UBN1: variants seen among roughly 807,000 people sequenced by gnomAD.
UBN1 encodes ubinuclein 1.
UBN1 carries 17 observed loss-of-function variants against 108.5 expected under a neutral mutation model. The observed-to-expected ratio is 0.16, with a 90% CI of 0.11 to 0.24. UBN1 has a LOEUF of 0.24. UBN1 is among the 10% of genes least tolerant of loss of function. The pLI is 1.00. For synonymous variants in UBN1, 726 were observed against 564.2 expected (o/e 1.29, Z -4.07); for missense variants, 1,595 against 1,394.4 (o/e 1.14, Z -2.29).
At chr16:4,848,758 A>G (rs1021729948) in intron 1 of UBN1, among the ~76,000 whole-genome samples, 4 of 152,228 alleles carry the variant, frequency 2.6e-5, no homozygotes, top group African/African-American at 9.6e-5. Context: ...CCTGTTTAAA[A>G]ATTCTGAATT....
chr16:4,875,103 C>G lies in UBN1; in HGVS notation c.2693C>G (p.Ser898Cys). 6.2e-7 allele frequency: 1 copy of G among 1,614,208 alleles called. No homozygotes were observed. The highest frequency in any genetic ancestry group is 2.2e-5 in the East Asian group (1 of 44,882). ...CATTCAGTCAGCTCTGCAGGCTCATCTTACAAGAATAATCCCTTTGCCAGC... is the reference window on the plus strand; with the variant it reads ...CATTCAGTCAGCTCTGCAGGCTCATGTTACAAGAATAATCCCTTTGCCAGC... ...KPHSVSSAGS[S>C]YKNNPFASSI... Residue 898 changes from serine to cysteine, a missense_variant, in exon 15 of 18, where the codon TCT becomes TGT. Physicochemically the swap from Ser to Cys is moderately radical, Grantham distance 112. Transcript: ENST00000262376.
Position 4,848,017 on chromosome 16 carries a change from C to T in UBN1, c.-233C>T, listed in dbSNP as rs1367896357. 4 of 152,780 alleles carry T rather than the reference C, an allele frequency of 2.6e-5. No homozygotes were observed. Among genetic ancestry groups the T allele is most frequent in the South Asian group, 2.1e-4 (1 of 4,844 alleles). 9.5% of individuals were successfully genotyped at this position (152,780 alleles called of 1,614,324 possible). On this transcript the variant is annotated 5_prime_UTR_variant, in exon 1 of 18. Coordinates refer to ENST00000262376, the MANE Select transcript of UBN1 (RefSeq NM_001079514.3). ...TCGAGTTGGCATTTCTTCGCTTCCT[C>T]CTGGGCCGGCGCGCGGCGCGGCACA... is the stretch of plus-strand genomic sequence containing the variant.
At chr16:4,878,463 G>A (rs191692790) in intron 17 of UBN1, among the ~76,000 whole-genome samples, 2 of 152,288 alleles carry the variant, frequency 1.3e-5, no homozygotes, top group South Asian at 2.1e-4. Context: ...CTGGCACCAT[G>A]GCGCATTATA....
At chr16:4,870,731 G>C (rs2087588934) in intron 10 of UBN1, 97 bp downstream of exon 10, 8 of 1,586,644 alleles carry the variant, frequency 5.0e-6, no homozygotes, top group South Asian at 1.1e-5. Flanking sequence ...GGAGCCTCTT[G>C]GCTCTTCTTT....
rs145831156 is a variant in UBN1, at chr16:4,880,100, G to C, written c.3373G>C (p.Gly1125Arg). The C allele has an allele frequency of 6.2e-7, 1 of 1,613,934 alleles. No homozygotes were observed. Among genetic ancestry groups the C allele is most frequent in the Admixed American group, 1.7e-5 (1 of 59,992 alleles). The change falls in exon 18 of 18, where the codon GGG (glycine) becomes CGG (arginine). Residue 1125 changes from glycine (G) to arginine (R), a missense_variant. By Grantham distance (125) the Gly-to-Arg change is moderately radical. Coordinates refer to ENST00000262376, the MANE Select transcript of UBN1 (RefSeq NM_001079514.3). ...QSLPGASQLHGKGPAVPRKL is the reference protein window; with the variant it reads ...QSLPGASQLHRKGPAVPRKL ...TTTTCCAGGTGCTTCTCAGCTTCAC[G>C]GGAAAGGGCCTGCTGTACCACGGAA...
chr16:4,870,691 C>A (rs1048261438), intron 10 of UBN1, 57 bp downstream of exon 10: 16 of 1,603,650 alleles, frequency 1.0e-5, no homozygotes, highest in Non-Finnish European at 1.4e-5. Flanking sequence ...CTTCCCCTCC[C>A]GTTTCTCGGT....
At chr16:4,878,875 G>T (rs1184909657) in intron 17 of UBN1, among the ~76,000 whole-genome samples, 2 of 152,156 alleles carry the variant, frequency 1.3e-5, no homozygotes, top group Non-Finnish European at 2.9e-5. Flanking sequence ...AGTCAGGTGT[G>T]GTGGCATGTG....
In UBN1 at chr16:4,847,543, C is replaced by CGGCGACGGT; in HGVS notation, c.-705_-697dup. ...CGCCCGCGGTCTGAGGCGGCGGCGG[C>CGGCGACGGT]GGCGACGGTGCGACCGGCTGAGCGC... is the stretch of plus-strand genomic sequence containing the variant. On this transcript the variant is annotated 5_prime_UTR_variant, in exon 1 of 18. Transcript: ENST00000262376. 1 of 452,614 alleles carries CGGCGACGGT rather than the reference C, an allele frequency of 2.2e-6. No homozygotes were observed. Among genetic ancestry groups the CGGCGACGGT allele is most frequent in the East Asian group, 4.3e-5 (1 of 23,260 alleles). 28.0% of individuals were successfully genotyped at this position (452,614 alleles called of 1,614,324 possible). A position where few individuals can be genotyped will look rare whatever the true frequency, so the allele number is the denominator to read the frequency against.
rs773100833 is a variant in UBN1 at position 4,874,890 on chromosome 16, T to G, written c.2480T>G (p.Leu827Arg). The G allele has an allele frequency of 6.2e-7, 1 of 1,614,032 alleles. No individual in the cohort carries two copies. The highest frequency in any genetic ancestry group is 8.5e-7 in the Non-Finnish European group (1 of 1,180,010). ...CCCCCATCTCCATTTGCCAATAAGCTCCAAGGCCCAAAGGCTTCTCCCACA... is the reference window on the plus strand; with the variant it reads ...CCCCCATCTCCATTTGCCAATAAGCGCCAAGGCCCAAAGGCTTCTCCCACA... ...FTPPSPFANK[L>R]QGPKASPTQC... Residue 827 changes from leucine (L) to arginine (R), a missense_variant, in exon 15 of 18, where the codon CTC (leucine) becomes CGC (arginine). Leu to Arg is a moderately radical substitution (Grantham distance 102). Around this residue, in one of 3 missense-constraint regions of UBN1, gnomAD observed 1,398 missense variants for 1,194.7 expected, o/e 1.17. Transcript: ENST00000262376.
rs769695899 is a variant in UBN1, at chr16:4,864,071, T to TTGC, written c.1110+2970_1110+2972dup. ...CTGTGATCCTGGTTTGTTGTTGTTGTTGCCTTTTTTTTTTTTTTTTTTTTT... is the reference window on the plus strand; with the variant it reads ...CTGTGATCCTGGTTTGTTGTTGTTGTTGCTGCCTTTTTTTTTTTTTTTTTTTTT... On this transcript the variant is annotated intron_variant, in intron 7 of 17. Transcript: ENST00000262376. Among the ~76,000 whole-genome samples, 71 of 143,892 alleles carry TTGC rather than the reference T, an allele frequency of 4.9e-4. 1 individual carries two copies. The highest frequency in any genetic ancestry group is 9.0e-4 in the Non-Finnish European group (60 of 66,832). 94.4% of individuals were successfully genotyped at this position (143,892 alleles called of 152,430 possible).
At chr16:4,851,984 G>C (rs1023370305) in intron 1 of UBN1, among the ~76,000 whole-genome samples, 9 of 152,146 alleles carry the variant, frequency 5.9e-5, no homozygotes, top group African/African-American at 2.2e-4. Flanking sequence ...GCGCTTACAA[G>C]TCAATAAGAA....
intron 6 of UBN1, 106 bp from the exon 7 acceptor site, chr16:4,860,558 C>A: frequency 8.5e-7 from 1 of 1,172,980 alleles, no homozygotes; most frequent in Non-Finnish European, 1.2e-6. Context: ...TGGACTGTGA[C>A]AGGTTCTCCT....
chr16:4,871,855 G>C (rs2087656995), intron 12 of UBN1, among the ~76,000 whole-genome samples: 1 of 152,020 alleles, frequency 6.6e-6, no homozygotes, highest in African/African-American at 2.4e-5. Flanking sequence ...CTAAGTGCTG[G>C]GATTACAGGC....
Position 4,857,998 on chromosome 16 carries a change from T to C in UBN1, c.258T>C (p.Asp86=). The C allele has an allele frequency of 6.2e-7, 1 of 1,610,958 alleles. No homozygotes were observed. The highest frequency in any genetic ancestry group is 8.5e-7 in the Non-Finnish European group (1 of 1,178,720). Residue 86 remains aspartate (D), a synonymous_variant, in exon 3 of 18, where the codon GAT becomes GAC. Coordinates refer to ENST00000262376, the MANE Select transcript of UBN1 (RefSeq NM_001079514.3). The part of the protein sequence containing the change: ...KGLQPGDKKK[D]LSDPFNDEEK... ...GAACGATCTCTTTACAGAAGAAAGA[T>C]CTGTCAGATCCTTTCAATGACGAAG...
At chr16:4,854,729 G>GTT (rs57048337) in intron 2 of UBN1, among the ~76,000 whole-genome samples, 17 of 140,304 alleles carry the variant, frequency 1.2e-4, no homozygotes, top group African/African-American at 4.2e-4. Flanking sequence ...GTGAAAAGCT[G>GTT]TTTTTTTTTT....
chr16:4,880,112 G>C lies in UBN1; in HGVS notation c.3385G>C (p.Ala1129Pro). 1 of 1,614,026 alleles carries C rather than the reference G, an allele frequency of 6.2e-7. No homozygotes were observed. Among genetic ancestry groups the C allele is most frequent in the Non-Finnish European group, 8.5e-7 (1 of 1,179,984 alleles). Residue 1129 changes from alanine to proline, a missense_variant, in exon 18 of 18, where the codon GCT (alanine) becomes CCT (proline). Ala to Pro is a conservative substitution (Grantham distance 27). Around this residue, in one of 3 missense-constraint regions of UBN1, gnomAD observed 1,398 missense variants for 1,194.7 expected, o/e 1.17. Coordinates refer to ENST00000262376, the MANE Select transcript of UBN1 (RefSeq NM_001079514.3). Reference protein sequence around the residue: ...GASQLHGKGPAVPRKL With the variant: ...GASQLHGKGPPVPRKL ...TTCTCAGCTTCACGGGAAAGGGCCT[G>C]CTGTACCACGGAAATTGTGACCGCT...
chr16:4,874,154 G>A, intron 14 of UBN1, 57 bp from the exon 15 acceptor site: 1 of 1,501,564 alleles, frequency 6.7e-7, no homozygotes, highest in Non-Finnish European at 8.8e-7. Flanking sequence ...CCTCACAACA[G>A]GCCAATGTTG....
chr16:4,870,884 A>G lies in UBN1; in HGVS notation c.1471A>G (p.Ile491Val), dbSNP rs200486174. 3.1e-6 allele frequency: 5 copies of G among 1,613,976 alleles called. No homozygotes were observed. The African/African-American group carries it at 5.3e-5, about 17-fold the overall frequency. ...GAAAGACAAGGAGCAGAGGGACCGG[A>G]TTTGTTCGGATGAGGAAGAAGATGA... ...EEKDKEQRDR[I>V]CSDEEEDEEK... The change falls in exon 11 of 18, where the codon ATT becomes GTT. Residue 491 changes from isoleucine to valine, a missense_variant. Physicochemically the swap from Ile to Val is conservative, Grantham distance 29. Transcript: ENST00000262376.
chr16:4,871,968 A>C (rs1040313902), intron 12 of UBN1, among the ~76,000 whole-genome samples: 3 of 152,176 alleles, frequency 2.0e-5, no homozygotes, highest in African/African-American at 7.2e-5. Context: ...TTCCTGAAGA[A>C]GTGTCATTTG....
Sources: gnomAD v4.1 joint callset for allele counts (sites outside exome capture counted in the v4.1 genomes callset) on GRCh38, gnomAD v4.1.1 for gene constraint, gnomAD v4.1.1 regional missense constraint, MANE v1.5 for transcripts, NCBI Gene and HGNC (gene_info 2026-07-23, HGNC 2026-07-21) for gene names.